Variants in CACUL1 observed in about 807,000 individuals in gnomAD.
CACUL1 encodes CDK2 associated cullin domain 1, also known as CDK2-associated and cullin domain-containing protein 1.
CACUL1 carries 13 observed loss-of-function variants against 45.2 expected under a neutral mutation model. The ratio of observed to expected loss-of-function variants is 0.29; its 90% CI spans 0.19 to 0.46. The LOEUF (loss-of-function observed/expected upper bound fraction) is 0.46. Among genes scored for constraint, CACUL1 ranks in the 20% least tolerant of loss-of-function variants. The pLI is 1.00. For missense variants in CACUL1, 421 were observed against 471.4 expected (o/e 0.89, Z 0.99); for synonymous variants, 197 against 174.2 (o/e 1.13, Z -1.03).
At chr10:118,700,645 A>G (rs913734272) in intron 5 of CACUL1, among the ~76,000 whole-genome samples, 68 of 148,598 alleles carry the variant, frequency 4.6e-4, no homozygotes, top group African/African-American at 1.7e-3. Context: ...TGAACCCGAG[A>G]GGCAGAGCTT....
At chr10:118,742,826 G>A (rs371550227) in intron 1 of CACUL1, among the ~76,000 whole-genome samples, 1 of 152,150 alleles carries the variant, frequency 6.6e-6, no homozygotes, top group Non-Finnish European at 1.5e-5. Context: ...ATAGGAGACA[G>A]CTTACATTCC....
chr10:118,693,500 A>G (rs1264275079), intron 6 of CACUL1: 1 of 262,632 alleles, frequency 3.8e-6, no homozygotes, highest in Non-Finnish European at 7.7e-6. Flanking sequence ...CTATTACAAG[A>G]GCTTGAACCT....
chr10:118,752,653 C>G (rs1845909409), intron 1 of CACUL1, among the ~76,000 whole-genome samples: 1 of 152,274 alleles, frequency 6.6e-6, no homozygotes, highest in Non-Finnish European at 1.5e-5. Flanking sequence ...ATAAAATGAA[C>G]TTGGTATTTT....
chr10:118,752,979 T>C (rs1220359357), intron 1 of CACUL1, among the ~76,000 whole-genome samples: 4 of 152,258 alleles, frequency 2.6e-5, no homozygotes, highest in Non-Finnish European at 5.9e-5. Flanking sequence ...TCTGCCTAGC[T>C]TACTCATCTT....
intron 1 of CACUL1, among the ~76,000 whole-genome samples, chr10:118,751,855 T>C (rs1286725371): frequency 6.6e-6 from 1 of 152,244 alleles, no homozygotes; most frequent in East Asian, 1.9e-4. Flanking sequence ...TCCTCTAGTT[T>C]CTTTTTCAAG....
intron 4 of CACUL1, among the ~76,000 whole-genome samples, chr10:118,702,472 A>AT (rs1325610412): frequency 1.3e-5 from 2 of 152,220 alleles, no homozygotes; most frequent in Non-Finnish European, 2.9e-5. Flanking sequence ...GAGTTTTATT[A>AT]TAAGAGATAA....
chr10:118,713,351 T>C (rs563526635), intron 3 of CACUL1, among the ~76,000 whole-genome samples: 1 of 152,272 alleles, frequency 6.6e-6, no homozygotes, highest in East Asian at 1.9e-4. Flanking sequence ...TCCACAGCTG[T>C]GGATTGGGTG....
At position 118,730,413 on chromosome 10, in the gene CACUL1, A is replaced by G; in HGVS notation, c.368-3T>C. ...TTCAATAGTTATAACATTCATTACT[A>G]AAAGTAAAAAGTAAAATAAATATTA... is the stretch of plus-strand genomic sequence containing the variant. On this transcript the variant is annotated splice_region_variant and splice_polypyrimidine_tract_variant and intron_variant, in intron 1 of 8. Coordinates refer to ENST00000369151, the MANE Select transcript of CACUL1 (RefSeq NM_153810.5). The G allele has an allele frequency of 1.9e-6, 3 of 1,600,096 alleles. No individual in the cohort carries two copies. The highest frequency in any genetic ancestry group is 2.6e-6 in the Non-Finnish European group (3 of 1,171,932).
At position 118,676,919 on chromosome 10, in the gene CACUL1, T is replaced by C. The variant is rs1845104031; in HGVS notation, c.*9209A>G. 1 of 152,006 alleles carries C rather than the reference T, an allele frequency of 6.6e-6. No homozygotes were observed. Among genetic ancestry groups the C allele is most frequent in the African/African-American group, 2.4e-5 (1 of 41,378 alleles). The allele number at this position is 152,006 out of a possible 1,614,324, so 9.4% of individuals were successfully genotyped here. On this transcript the variant is annotated 3_prime_UTR_variant, in exon 9 of 9. Coordinates refer to ENST00000369151, the MANE Select transcript of CACUL1 (RefSeq NM_153810.5). ...ATTAAAGGCAGGTGAGTGAGTTTAATAGGGTTTTCGGTTTCATTGCTTGTA... is the reference window on the plus strand; with the variant it reads ...ATTAAAGGCAGGTGAGTGAGTTTAACAGGGTTTTCGGTTTCATTGCTTGTA...
At chr10:118,739,190 G>A (rs1337504934) in intron 1 of CACUL1, among the ~76,000 whole-genome samples, 5 of 141,226 alleles carry the variant, frequency 3.5e-5, no homozygotes, top group African/African-American at 8.3e-5. Context: ...AGACTCCTCC[G>A]TCTCAAAAAA....
rs1845123351 is a variant in CACUL1, at chr10:118,678,950, A to G, written c.*7178T>C. On this transcript the variant is annotated 3_prime_UTR_variant, in exon 9 of 9. Coordinates refer to ENST00000369151, the MANE Select transcript of CACUL1 (RefSeq NM_153810.5). ...AGATCTATTAATTACTGAGAGGGGT[A>G]TGTTGAAAATGCCCATTATGTTGGT... The G allele has an allele frequency of 6.6e-6, 1 of 152,192 alleles. No homozygotes were observed. The highest frequency in any genetic ancestry group is 2.1e-4 in the South Asian group (1 of 4,830). 9.4% of individuals were successfully genotyped at this position (152,192 alleles called of 1,614,324 possible). A position where few individuals can be genotyped will look rare whatever the true frequency, so the allele number is the denominator to read the frequency against.
rs1845131850 is a variant in CACUL1, at chr10:118,679,552, CT to C, written c.*6575del. The C allele has an allele frequency of 6.6e-6, 1 of 151,750 alleles. No homozygotes were observed. Among genetic ancestry groups the C allele is most frequent in the African/African-American group, 2.4e-5 (1 of 41,280 alleles). 9.4% of individuals were successfully genotyped at this position (151,750 alleles called of 1,614,324 possible). ...GTTTTTTGCTTGAGATAGTTTCACT[CT>C]TGTCGCCCAGGCTGGAGTACAATAG... On this transcript the variant is annotated 3_prime_UTR_variant, in exon 9 of 9. Transcript: ENST00000369151.
rs530837319 is a variant in CACUL1, at chr10:118,744,665, G to A, written c.367+9731C>T. ...ATTTCATTCCAAGTTTTTTTGGGGG[G>A]CCGGGGCAGGAACAGATTCTCGTCA... On this transcript the variant is annotated intron_variant, in intron 1 of 8. Transcript: ENST00000369151. Among the ~76,000 whole-genome samples, 12 of 152,048 alleles carry A rather than the reference G, an allele frequency of 7.9e-5. No individual in the cohort carries two copies. The East Asian group carries it at 2.1e-3, about 27-fold the overall frequency.
At chr10:118,727,275 G>T (rs1287896583) in intron 3 of CACUL1, among the ~76,000 whole-genome samples, 1 of 151,738 alleles carries the variant, frequency 6.6e-6, no homozygotes, top group Non-Finnish European at 1.5e-5. Flanking sequence ...CACCTGTAGT[G>T]CCAGCAACTG....
intron 1 of CACUL1, among the ~76,000 whole-genome samples, chr10:118,738,574 T>A (rs1253092731): frequency 7.0e-6 from 1 of 143,822 alleles, no homozygotes; most frequent in Non-Finnish European, 1.5e-5. Flanking sequence ...CATACTAATA[T>A]CTGGCAGTTC....
chr10:118,723,084 CT>C (rs1180511478), intron 3 of CACUL1, among the ~76,000 whole-genome samples: 2 of 150,682 alleles, frequency 1.3e-5, no homozygotes, highest in Non-Finnish European at 2.9e-5. Context: ...AATTGTCTTC[CT>C]TTTTTTAATG....
rs1179649857 is a variant in CACUL1 at position 118,739,319 on chromosome 10, T to TCAA, written c.368-8910_368-8909insTTG. Among the ~76,000 whole-genome samples, 375 of 152,114 alleles carry TCAA rather than the reference T, an allele frequency of 2.5e-3. 1 individual carries two copies. Among genetic ancestry groups the TCAA allele is most frequent in the African/African-American group, 7.0e-3 (289 of 41,460 alleles). The stretch of plus-strand genomic sequence containing the variant: ...AAGATCAAAACAGAAATTCAACATT[T>TCAA]GACTACCAATAATTCCAGAGAAAAC... On this transcript the variant is annotated intron_variant, in intron 1 of 8. Coordinates refer to ENST00000369151, the MANE Select transcript of CACUL1 (RefSeq NM_153810.5).
At chr10:118,692,717 T>C (rs896934234) in intron 6 of CACUL1, 2 of 152,180 alleles carry the variant, frequency 1.3e-5, no homozygotes, top group Admixed American at 6.5e-5. Context: ...TGCTCTTGAA[T>C]CACTTTAAAA....
intron 1 of CACUL1, among the ~76,000 whole-genome samples, chr10:118,732,876 T>C (rs1379227272): frequency 6.6e-6 from 1 of 152,128 alleles, no homozygotes; most frequent in East Asian, 1.9e-4. Flanking sequence ...GAAAAAGAAA[T>C]TACATTCTCA....
Sources: allele counts gnomAD v4.1 joint callset (sites outside exome capture counted in the v4.1 genomes callset), GRCh38; gene constraint gnomAD v4.1.1; transcripts MANE v1.5; gene names NCBI Gene and HGNC (gene_info 2026-07-23, HGNC 2026-07-21).